CNTNAP3B: variants seen among roughly 807,000 people sequenced by gnomAD.
CNTNAP3B encodes contactin associated protein family member 3B.
In CNTNAP3B, 25 loss-of-function variants were observed where a neutral mutation model predicts 108.9. That is an observed-to-expected ratio of 0.23 (90% CI 0.17 to 0.32). CNTNAP3B has a LOEUF of 0.32. CNTNAP3B is among the 10% of genes least tolerant of loss of function. CNTNAP3B has a pLI of 1.00. For synonymous variants in CNTNAP3B, 103 were observed against 473.4 expected (o/e 0.22, Z 10.16); for missense variants, 252 against 1,210.4 (o/e 0.21, Z 11.75).
At position 42,011,756 on chromosome 9, in the gene CNTNAP3B, C is replaced by T. The variant is rs1210454753; in HGVS notation, c.538+1622G>A. On this transcript the variant is annotated intron_variant, in intron 4 of 23. Transcript: ENST00000377561. ...ATACAAAGGAAAATACTGAAACTACCATTATTAACATAAGTCATAAAGGGT... is the reference window on the plus strand; with the variant it reads ...ATACAAAGGAAAATACTGAAACTACTATTATTAACATAAGTCATAAAGGGT... 2 of 87,622 alleles carry T rather than the reference C, an allele frequency of 2.3e-5. 1 individual carries two copies. The highest frequency in any genetic ancestry group is 4.7e-5 in the Non-Finnish European group (2 of 42,280). 5.4% of individuals were successfully genotyped at this position (87,622 alleles called of 1,614,324 possible).
At chr9:42,086,462 A>C (rs1827707371) in intron 2 of CNTNAP3B, among the ~76,000 whole-genome samples, 1 of 135,938 alleles carries the variant, frequency 7.4e-6, no homozygotes, top group Non-Finnish European at 1.6e-5. Context: ...TTTACATTTT[A>C]CAACAGGCGG....
chr9:42,115,575 C>T (rs1215879373), intron 1 of CNTNAP3B, among the ~76,000 whole-genome samples: 2 of 133,750 alleles, frequency 1.5e-5, no homozygotes, highest in Non-Finnish European at 3.2e-5. Context: ...GTTCTGCAGC[C>T]TCTGCTGGTG....
intron 11 of CNTNAP3B, among the ~76,000 whole-genome samples, chr9:41,961,296 A>T (rs1825083254): frequency 6.6e-6 from 1 of 152,306 alleles, no homozygotes; most frequent in Non-Finnish European, 1.5e-5. Flanking sequence ...CTTTCTCTAC[A>T]TAAATGTTTT....
chr9:42,103,604 G>A (rs1440936132), intron 2 of CNTNAP3B, among the ~76,000 whole-genome samples: 1 of 110,176 alleles, frequency 9.1e-6, no homozygotes, highest in South Asian at 2.9e-4. Context: ...GCCTGGTGGC[G>A]GGTGCCTGTA....
chr9:42,040,796 AG>A (rs1174357413), intron 3 of CNTNAP3B, among the ~76,000 whole-genome samples: 1 of 27,580 alleles, frequency 3.6e-5, no homozygotes, highest in African/African-American at 1.9e-4. Context: ...CTAAGCCAAA[AG>A]AACAAAGCTG....
In CNTNAP3B at chr9:42,125,782, A is replaced by T. The variant is rs1377118164; in HGVS notation, c.85+3228T>A. ...CAGGCACCTGCCACCATGCCCTGAA[A>T]TTTTTTCATATTTTTAGTAGAGGCA... On this transcript the variant is annotated intron_variant, in intron 1 of 23. Transcript: ENST00000377561. Among the ~76,000 whole-genome samples, 2 of 131,268 alleles carry T rather than the reference A, an allele frequency of 1.5e-5. 1 individual carries two copies. Among genetic ancestry groups the T allele is most frequent in the Non-Finnish European group, 3.2e-5 (2 of 62,436 alleles). 86.1% of individuals were successfully genotyped at this position (131,268 alleles called of 152,430 possible). A position where few individuals can be genotyped will look rare whatever the true frequency, so the allele number is the denominator to read the frequency against.
At chr9:41,917,999 G>T (rs1348733051) in intron 18 of CNTNAP3B, among the ~76,000 whole-genome samples, 1 of 152,238 alleles carries the variant, frequency 6.6e-6, no homozygotes, top group South Asian at 2.1e-4. Flanking sequence ...TTCATTTGAT[G>T]TATTTCCTTA....
intron 14 of CNTNAP3B, among the ~76,000 whole-genome samples, chr9:41,935,550 C>G (rs1014807359): frequency 5.9e-5 from 9 of 152,254 alleles, no homozygotes; most frequent in Non-Finnish European, 1.0e-4. Flanking sequence ...CTGGTAAATT[C>G]CATTTTTATA....
chr9:41,987,720 T>C (rs1308613953), intron 8 of CNTNAP3B, among the ~76,000 whole-genome samples: 1 of 146,626 alleles, frequency 6.8e-6, no homozygotes, highest in East Asian at 2.0e-4. Flanking sequence ...TTTTACCTGA[T>C]AATATGTCAA....
chr9:41,930,041 G>T (rs1327375098), intron 14 of CNTNAP3B, among the ~76,000 whole-genome samples: 2 of 152,258 alleles, frequency 1.3e-5, no homozygotes, highest in East Asian at 1.9e-4. Flanking sequence ...AGTAACACTG[G>T]ATTTAGATAT....
rs558832800 is a variant in CNTNAP3B, at chr9:42,041,270, T to G, written c.391-27745A>C. On this transcript the variant is annotated intron_variant, in intron 3 of 23. Transcript: ENST00000377561. ...ATTAAACTAAAGAGCTTCTGCATAG[T>G]AAAAGAAACTACCATCAGAGTGAAC... Among the ~76,000 whole-genome samples the G allele has an allele frequency of 4.9e-3, 695 of 140,802 alleles. 112 individuals are homozygous for G. Among genetic ancestry groups the G allele is most frequent in the African/African-American group, 0.019 (674 of 35,956 alleles). The allele number at this position is 140,802 out of a possible 152,430, so 92.4% of individuals were successfully genotyped here. A position where few individuals can be genotyped will look rare whatever the true frequency, so the allele number is the denominator to read the frequency against.
At chr9:42,078,558 A>G (rs1827540861) in intron 2 of CNTNAP3B, among the ~76,000 whole-genome samples, 1 of 138,688 alleles carries the variant, frequency 7.2e-6, no homozygotes, top group Middle Eastern at 3.3e-3. Flanking sequence ...TTGATCTAGT[A>G]GACAAGATGG....
chr9:41,969,522 G>T (rs1458641443), intron 10 of CNTNAP3B, among the ~76,000 whole-genome samples: 1 of 148,356 alleles, frequency 6.7e-6, no homozygotes. Flanking sequence ...TATTAGCTGA[G>T]CAACTCGGGA....
intron 8 of CNTNAP3B, among the ~76,000 whole-genome samples, chr9:41,987,145 GAT>G (rs900673565): frequency 8.2e-6 from 1 of 122,084 alleles, no homozygotes; most frequent in South Asian, 2.8e-4. Flanking sequence ...TATTATTATA[GAT>G]ATAATTATAC....
intron 13 of CNTNAP3B, among the ~76,000 whole-genome samples, chr9:41,940,408 A>G (rs1266070902): frequency 6.6e-6 from 1 of 152,306 alleles, no homozygotes; most frequent in East Asian, 1.9e-4. Flanking sequence ...TAGATTACTC[A>G]TCTGAAATTA....
At position 42,112,310 on chromosome 9, in the gene CNTNAP3B, T is replaced by C. The variant is rs1411298028; in HGVS notation, c.86-7571A>G. ...AGTAAGGCTTACTCTTCTGAAATACTGAGGTCTGTCTCATGGAAAATGAAT... is the reference window on the plus strand; with the variant it reads ...AGTAAGGCTTACTCTTCTGAAATACCGAGGTCTGTCTCATGGAAAATGAAT... On this transcript the variant is annotated intron_variant, in intron 1 of 23. Transcript: ENST00000377561. Among the ~76,000 whole-genome samples the C allele has an allele frequency of 6.7e-4, 93 of 139,772 alleles. 18 individuals are homozygous for C. The highest frequency in any genetic ancestry group is 2.5e-3 in the African/African-American group (87 of 35,314). The allele number at this position is 139,772 out of a possible 152,430, so 91.7% of individuals were successfully genotyped here.
chr9:42,030,811 GA>G lies in CNTNAP3B; in HGVS notation c.391-17287del, dbSNP rs1564177943. Among the ~76,000 whole-genome samples the G allele has an allele frequency of 1.1e-4, 8 of 73,928 alleles. 1 individual carries two copies. Among genetic ancestry groups the G allele is most frequent in the African/African-American group, 3.8e-4 (7 of 18,310 alleles). 48.5% of individuals were successfully genotyped at this position (73,928 alleles called of 152,430 possible). A position where few individuals can be genotyped will look rare whatever the true frequency, so the allele number is the denominator to read the frequency against. The stretch of plus-strand genomic sequence containing the variant: ...TGTGTGCGAGAGAGAGAGAGAGAGA[GA>G]GGAGAGAGAGAGAGAGAGAGAGAGA... On this transcript the variant is annotated intron_variant, in intron 3 of 23. Transcript: ENST00000377561.
At chr9:41,948,310 T>C (rs1489364996) in intron 13 of CNTNAP3B, among the ~76,000 whole-genome samples, 1 of 152,046 alleles carries the variant, frequency 6.6e-6, no homozygotes, top group African/African-American at 2.4e-5. Context: ...CAGGCAGGTC[T>C]CGAACTCCTG....
intron 14 of CNTNAP3B, among the ~76,000 whole-genome samples, chr9:41,929,884 C>T (rs1295365112): frequency 6.6e-6 from 1 of 151,892 alleles, no homozygotes; most frequent in East Asian, 1.9e-4. Context: ...CTGGATTTCA[C>T]CCAAAGCAAG....
Sources: gnomAD v4.1 joint callset for allele counts (sites outside exome capture counted in the v4.1 genomes callset) on GRCh38, gnomAD v4.1.1 for gene constraint, MANE v1.5 for transcripts, NCBI Gene and HGNC (gene_info 2026-07-23, HGNC 2026-07-21) for gene names.